Variants in PAK5 observed in about 807,000 individuals in gnomAD.
The protein encoded by PAK5 is serine/threonine-protein kinase PAK 5.
Under a neutral mutation model 65.9 loss-of-function variants are expected in PAK5, and 16 were observed. The ratio of observed to expected loss-of-function variants is 0.24; its 90% confidence interval spans 0.16 to 0.37. PAK5 has a LOEUF of 0.37. Among genes scored for constraint, PAK5 ranks in the 10% least tolerant of loss-of-function variants. PAK5 has a pLI of 1.00. For synonymous variants in PAK5, 371 were observed against 354.9 expected (o/e 1.05, Z -0.51); for missense variants, 785 against 903.9 (o/e 0.87, Z 1.69).
At chr20:9,539,718 A>C (rs2045229827) in intron 9 of PAK5, 101 bp from the exon 10 acceptor site, 1 of 914,840 alleles carries the variant, frequency 1.1e-6, no homozygotes, top group Non-Finnish European at 1.7e-6. Context: ...TTCAAATTCC[A>C]GAAAGTTACC....
At chr20:9,792,942 G>A (rs111599658) in intron 1 of PAK5, among the ~76,000 whole-genome samples, 175 of 152,244 alleles carry the variant, frequency 1.1e-3, no homozygotes, top group Admixed American at 3.5e-3. Flanking sequence ...GATGATGCTC[G>A]TTTAGAGAAA....
At chr20:9,689,094 C>A (rs2047758233) in intron 2 of PAK5, among the ~76,000 whole-genome samples, 1 of 152,090 alleles carries the variant, frequency 6.6e-6, no homozygotes, top group African/African-American at 2.4e-5. Flanking sequence ...AACCGCCAGC[C>A]CTTATTGCCT....
chr20:9,539,640 AT>A, intron 9 of PAK5, 23 bp from the exon 10 acceptor site: 4 of 1,608,368 alleles, frequency 2.5e-6, no homozygotes, highest in Non-Finnish European at 3.4e-6. Context: ...ACAGATACCA[AT>A]CTGAGGACTA....
chr20:9,782,253 T>A (rs6118729), intron 1 of PAK5, among the ~76,000 whole-genome samples: 42,122 of 152,018 alleles, frequency 0.28, 6,122 homozygotes, highest in Middle Eastern at 0.47. Context: ...TTCTTGAATC[T>A]CATGTCCTTA....
chr20:9,669,409 TA>T (rs2047463411), intron 2 of PAK5, among the ~76,000 whole-genome samples: 1 of 152,210 alleles, frequency 6.6e-6, no homozygotes, highest in African/African-American at 2.4e-5. Context: ...GTGATTATGT[TA>T]TTTTTAAGTG....
chr20:9,657,028 A>G (rs537397884), intron 2 of PAK5, among the ~76,000 whole-genome samples: 16 of 152,288 alleles, frequency 1.1e-4, no homozygotes, highest in African/African-American at 3.6e-4. Context: ...ATGTATGTAT[A>G]TATGTCTATG....
chr20:9,695,007 T>TTA (rs1232155016), intron 2 of PAK5, among the ~76,000 whole-genome samples: 1 of 152,076 alleles, frequency 6.6e-6, no homozygotes, highest in Non-Finnish European at 1.5e-5. Context: ...TTTACACTCC[T>TTA]GCCAATAGCT....
chr20:9,626,490 G>A (rs1238784136), intron 3 of PAK5, among the ~76,000 whole-genome samples: 2 of 152,150 alleles, frequency 1.3e-5, no homozygotes, highest in Admixed American at 6.5e-5. Flanking sequence ...GTATTTTGAT[G>A]ACATCAAATG....
chr20:9,638,176 T>C (rs1270246726), intron 3 of PAK5, among the ~76,000 whole-genome samples: 2 of 152,230 alleles, frequency 1.3e-5, no homozygotes, highest in Non-Finnish European at 2.9e-5. Flanking sequence ...AATACGACCA[T>C]TCAACCTGCC....
In PAK5 at chr20:9,838,480, C is replaced by G. The variant is rs1452869568; in HGVS notation, c.-162+282G>C. On this transcript the variant is annotated intron_variant, in intron 1 of 9. Transcript: ENST00000353224. The surrounding 1 kb of genome is among the most constrained non-coding windows in gnomAD (Gnocchi z 4.5). ...CGGGGTTCTCCTCCACGCCCTCCCG[C>G]CCAGCAAAATGGAACCATCCTTTAT... 6.6e-6 allele frequency among the ~76,000 whole-genome samples: 1 copy of G among 152,176 alleles called. No individual in the cohort carries two copies. The highest frequency in any genetic ancestry group is 2.4e-5 in the African/African-American group (1 of 41,458).
In PAK5 at chr20:9,794,965, A is replaced by G. The variant is rs1026880947; in HGVS notation, c.-162+43797T>C. Among the ~76,000 whole-genome samples, 11 of 151,914 alleles carry G rather than the reference A, an allele frequency of 7.2e-5. No individual in the cohort carries two copies. The East Asian group carries it at 2.1e-3, about 29-fold the overall frequency. On this transcript the variant is annotated intron_variant, in intron 1 of 9. Coordinates refer to ENST00000353224, the MANE Select transcript of PAK5 (RefSeq NM_177990.4). ...GAAGCTATGACAGTCTGTATCCCCT[A>G]GGCCTCCTCTCAACACACACTGCTT... is the stretch of plus-strand genomic sequence containing the variant.
At chr20:9,692,527 T>C (rs921015305) in intron 2 of PAK5, among the ~76,000 whole-genome samples, 1 of 152,092 alleles carries the variant, frequency 6.6e-6, no homozygotes, top group African/African-American at 2.4e-5. Context: ...AATTAAGGAG[T>C]TCAACACTAA....
intron 3 of PAK5, among the ~76,000 whole-genome samples, chr20:9,586,919 T>C: frequency 6.6e-6 from 1 of 152,322 alleles, no homozygotes; most frequent in East Asian, 1.9e-4. Context: ...CATTATTTTG[T>C]ATCTTAGGCT....
At chr20:9,793,333 A>G (rs949792559) in intron 1 of PAK5, among the ~76,000 whole-genome samples, 1 of 152,152 alleles carries the variant, frequency 6.6e-6, no homozygotes, top group Non-Finnish European at 1.5e-5. Context: ...AATTTTGTAA[A>G]TAGTATCAAT....
chr20:9,755,441 C>T (rs2048622995), intron 1 of PAK5, among the ~76,000 whole-genome samples: 1 of 152,188 alleles, frequency 6.6e-6, no homozygotes, highest in Non-Finnish European at 1.5e-5. Context: ...ATAAATGCCT[C>T]ATAGGGCTCC....
intron 3 of PAK5, among the ~76,000 whole-genome samples, chr20:9,617,502 TGA>T (rs1391575697): frequency 6.6e-6 from 1 of 151,270 alleles, no homozygotes; most frequent in Non-Finnish European, 1.5e-5. Context: ...AAACTGAGGC[TGA>T]GAGACTTACT....
At chr20:9,781,832 C>G (rs1317237904) in intron 1 of PAK5, among the ~76,000 whole-genome samples, 1 of 152,120 alleles carries the variant, frequency 6.6e-6, no homozygotes, top group Non-Finnish European at 1.5e-5. Flanking sequence ...AACATCTGTC[C>G]TGAGCCACCA....
intron 2 of PAK5, among the ~76,000 whole-genome samples, chr20:9,692,264 T>G (rs2047808089): frequency 6.6e-6 from 1 of 152,224 alleles, no homozygotes; most frequent in Admixed American, 6.5e-5. Flanking sequence ...ACATTCTTTG[T>G]GTGAAAGCAA....
chr20:9,657,644 C>A (rs1323771346), intron 2 of PAK5, among the ~76,000 whole-genome samples: 1 of 152,140 alleles, frequency 6.6e-6, no homozygotes, highest in East Asian at 1.9e-4. Context: ...TATATTTCTA[C>A]TGGACAGCAT....
Sources: gnomAD v4.1 joint callset for allele counts (sites outside exome capture counted in the v4.1 genomes callset) on GRCh38, gnomAD v4.1.1 for gene constraint, Gnocchi (gnomAD v3.1) non-coding constraint, MANE v1.5 for transcripts, NCBI Gene and HGNC (gene_info 2026-07-23, HGNC 2026-07-21) for gene names.